PLPP1: variants seen among roughly 807,000 people sequenced by gnomAD.
PLPP1 encodes phospholipid phosphatase 1, also known as lipid phosphate phosphohydrolase 1a.
PLPP1 carries 24 observed loss-of-function variants against 31.2 expected under a neutral mutation model. The observed-to-expected ratio is 0.77, with a 90% CI of 0.56 to 1.08. The LOEUF is 1.08. Among genes scored for constraint, PLPP1 ranks in the 50% least tolerant of loss-of-function variants. PLPP1 has a pLI of 0.00. For missense variants in PLPP1, 319 were observed against 342.7 expected, an observed-to-expected ratio of 0.93 and a Z score of 0.55; for synonymous variants, 146 against 126.3, an observed-to-expected ratio of 1.16 and a Z score of -1.05.
At chr5:55,440,806 TA>T (rs1751604357) in intron 4 of PLPP1, among the ~76,000 whole-genome samples, 1 of 152,232 alleles carries the variant, frequency 6.6e-6, no homozygotes, top group Non-Finnish European at 1.5e-5. Flanking sequence ...AGTTTACCCT[TA>T]ATGTTACATA....
chr5:55,482,203 GACACACACAC>G (rs112327602), intron 1 of PLPP1, among the ~76,000 whole-genome samples: 1 of 144,506 alleles, frequency 6.9e-6, no homozygotes, highest in Non-Finnish European at 1.5e-5. Context: ...TACACACACA[GACACACACAC>G]ACACACACAC....
intron 1 of PLPP1, among the ~76,000 whole-genome samples, chr5:55,501,854 A>G (rs1409580466): frequency 6.6e-6 from 1 of 152,180 alleles, no homozygotes; most frequent in African/African-American, 2.4e-5. Flanking sequence ...GCCCTTCCAG[A>G]CATGCTTACA....
chr5:55,529,919 C>G (rs1051964631), intron 1 of PLPP1, among the ~76,000 whole-genome samples: 10 of 152,180 alleles, frequency 6.6e-5, no homozygotes, highest in Admixed American at 4.6e-4. Flanking sequence ...TTCTCTTTCA[C>G]CATTACATTA....
At chr5:55,429,243 G>T (rs1751285254) in intron 4 of PLPP1, among the ~76,000 whole-genome samples, 1 of 145,452 alleles carries the variant, frequency 6.9e-6, no homozygotes, top group African/African-American at 2.5e-5. Context: ...AAACAATGGA[G>T]TGGTTTCAAG....
At chr5:55,439,716 C>CAAAACA in intron 4 of PLPP1, among the ~76,000 whole-genome samples, 1 of 152,286 alleles carries the variant, frequency 6.6e-6, no homozygotes, top group Middle Eastern at 3.4e-3. Context: ...AAACAGCCCT[C>CAAAACA]AGTACAAGTT....
chr5:55,530,781 A>G lies in PLPP1; in HGVS notation c.58+3791T>C, dbSNP rs1295563223. ...CAGTCAGGAAACATTTTCTACAGAA[A>G]ACGTGCTGACAGGGCGCGGTCCGCA... On this transcript the variant is annotated intron_variant, in intron 1 of 5. Coordinates refer to ENST00000307259, the MANE Select transcript of PLPP1 (RefSeq NM_003711.4). 5 of 1,536,390 alleles carry G rather than the reference A, an allele frequency of 3.3e-6. No homozygotes were observed. The African/African-American group carries it at 4.1e-5, about 13-fold the overall frequency.
At chr5:55,461,095 C>CT (rs1752145218) in intron 3 of PLPP1, among the ~76,000 whole-genome samples, 1 of 152,058 alleles carries the variant, frequency 6.6e-6, no homozygotes, top group Admixed American at 6.6e-5. Flanking sequence ...ACTTGGGAAG[C>CT]TAAGGTGGGA....
At chr5:55,531,204 G>C (rs949985669) in intron 1 of PLPP1, among the ~76,000 whole-genome samples, 9 of 152,164 alleles carry the variant, frequency 5.9e-5, no homozygotes, top group African/African-American at 2.2e-4. Flanking sequence ...ATATCCACTT[G>C]AGGAACTAAC....
intron 1 of PLPP1, among the ~76,000 whole-genome samples, chr5:55,532,300 T>C (rs549430437): frequency 3.4e-4 from 52 of 152,310 alleles, no homozygotes; most frequent in African/African-American, 1.2e-3. Flanking sequence ...CAGAGCAGTA[T>C]TATGTTTCAG....
chr5:55,534,664 A>C lies in PLPP1; in HGVS notation c.-35T>G, dbSNP rs768260635. ...CCGGGCTGCCCGGCAAGGGCGATGG[A>C]CTGAGCTGCGGGACGGCGGCCGAGG... On this transcript the variant is annotated 5_prime_UTR_variant, in exon 1 of 6. Transcript: ENST00000307259. 6.6e-7 allele frequency: 1 copy of C among 1,524,750 alleles called. No individual in the cohort carries two copies. Among genetic ancestry groups the C allele is most frequent in the African/African-American group, 1.4e-5 (1 of 69,724 alleles). The allele number at this position is 1,524,750 out of a possible 1,614,324, so 94.5% of individuals were successfully genotyped here. A position where few individuals can be genotyped will look rare whatever the true frequency, so the allele number is the denominator to read the frequency against.
chr5:55,477,949 C>A (rs1752591174), intron 1 of PLPP1, among the ~76,000 whole-genome samples: 1 of 150,010 alleles, frequency 6.7e-6, no homozygotes, highest in South Asian at 2.1e-4. Flanking sequence ...CATGGCACTC[C>A]AGCCTGGGTG....
intron 4 of PLPP1, among the ~76,000 whole-genome samples, chr5:55,432,803 A>T (rs2111676148): frequency 6.7e-6 from 1 of 148,326 alleles, no homozygotes; most frequent in African/African-American, 2.4e-5. Context: ...CATGATTTAA[A>T]AAAAAAAAAA....
intron 1 of PLPP1, among the ~76,000 whole-genome samples, chr5:55,486,304 G>A (rs1481903151): frequency 6.6e-6 from 1 of 152,108 alleles, no homozygotes; most frequent in Non-Finnish European, 1.5e-5. Flanking sequence ...ATATAAAGTG[G>A]CTGGATGTGG....
At chr5:55,425,809 CT>C in intron 5 of PLPP1, 53 bp downstream of exon 5, 2 of 1,403,526 alleles carry the variant, frequency 1.4e-6, no homozygotes, top group Non-Finnish European at 1.9e-6. Context: ...TTTCTATTTA[CT>C]TATATAAATG....
At chr5:55,505,475 ATTTC>A (rs1042300653) in intron 1 of PLPP1, among the ~76,000 whole-genome samples, 3 of 151,296 alleles carry the variant, frequency 2.0e-5, no homozygotes, top group African/African-American at 7.3e-5. Context: ...GCAGAGGTTT[ATTTC>A]TTTAAGGAAA....
At chr5:55,481,711 G>C (rs1752670593) in intron 1 of PLPP1, among the ~76,000 whole-genome samples, 1 of 152,186 alleles carries the variant, frequency 6.6e-6, no homozygotes, top group African/African-American at 2.4e-5. Context: ...AGAGAAGAAT[G>C]TGGATGTAGG....
At chr5:55,460,935 C>T (rs1468363987) in intron 3 of PLPP1, among the ~76,000 whole-genome samples, 1 of 152,090 alleles carries the variant, frequency 6.6e-6, no homozygotes, top group African/African-American at 2.4e-5. Flanking sequence ...CCTGCAGTCC[C>T]AGCACTTTGG....
chr5:55,530,876 C>T (rs947838191), intron 1 of PLPP1, among the ~76,000 whole-genome samples: 1 of 152,158 alleles, frequency 6.6e-6, no homozygotes, highest in Non-Finnish European at 1.5e-5. Context: ...TCAGCCATGG[C>T]GGGGGATGGG....
intron 1 of PLPP1, among the ~76,000 whole-genome samples, chr5:55,498,807 C>A (rs868538310): frequency 2.6e-5 from 4 of 152,210 alleles, no homozygotes; most frequent in Middle Eastern, 3.4e-3. Context: ...CCATTGGGAA[C>A]ACAAACTGCT....
Sources: allele counts gnomAD v4.1 joint callset (sites outside exome capture counted in the v4.1 genomes callset), GRCh38; gene constraint gnomAD v4.1.1; transcripts MANE v1.5; gene names NCBI Gene and HGNC (gene_info 2026-07-23, HGNC 2026-07-21).